Variants in DLG2 observed in about 807,000 individuals in gnomAD.
DLG2 encodes disks large homolog 2.
DLG2 carries 45 observed loss-of-function variants against 132.5 expected under a neutral mutation model. That is an observed-to-expected ratio of 0.34 (90% CI 0.27 to 0.44). The LOEUF (loss-of-function observed/expected upper bound fraction) is 0.44, where lower values mean the gene tolerates loss of function less well. Ranked by LOEUF, DLG2 falls within the 20% of genes least tolerant of loss-of-function variation. DLG2 has a pLI of 1.00. For missense variants in DLG2, 1,045 were observed against 1,196.9 expected, an observed-to-expected ratio of 0.87 and a Z score of 1.87; for synonymous variants, 424 against 419.6, an observed-to-expected ratio of 1.01 and a Z score of -0.13.
chr11:84,230,046 C>G (rs559540526), intron 8 of DLG2, among the ~76,000 whole-genome samples: 41 of 152,184 alleles, frequency 2.7e-4, no homozygotes, highest in Non-Finnish European at 4.3e-4. Flanking sequence ...TCACATAAAT[C>G]TCCACATGTG....
chr11:84,667,493 T>TTTTTG (rs1180881331), intron 6 of DLG2, among the ~76,000 whole-genome samples: 129 of 32,090 alleles, frequency 4.0e-3, no homozygotes, highest in African/African-American at 0.02. Flanking sequence ...TGTTTTTTGT[T>TTTTTG]TTTTGTTTTT....
intron 3 of DLG2, among the ~76,000 whole-genome samples, chr11:85,457,968 G>A (rs1194013400): frequency 6.6e-6 from 1 of 152,104 alleles, no homozygotes; most frequent in Non-Finnish European, 1.5e-5. Context: ...TCCTGAATTT[G>A]AATGTTGACA....
intron 6 of DLG2, among the ~76,000 whole-genome samples, chr11:84,988,595 A>G (rs2056758644): frequency 6.6e-6 from 1 of 152,158 alleles, no homozygotes; most frequent in Non-Finnish European, 1.5e-5. Context: ...ATTGGAGACT[A>G]TTTTTCTAAG....
chr11:84,118,864 G>C (rs1174267433), intron 9 of DLG2, among the ~76,000 whole-genome samples: 1 of 152,134 alleles, frequency 6.6e-6, no homozygotes, highest in African/African-American at 2.4e-5. Flanking sequence ...AAAAAATGTT[G>C]TTCTATCTTG....
intron 6 of DLG2, among the ~76,000 whole-genome samples, chr11:85,098,459 T>C (rs1012477478): frequency 6.6e-6 from 1 of 152,236 alleles, no homozygotes; most frequent in East Asian, 1.9e-4. Flanking sequence ...CCATTCCGTG[T>C]GTACTCTAGA....
intron 6 of DLG2, among the ~76,000 whole-genome samples, chr11:84,788,836 A>G (rs990466795): frequency 6.6e-6 from 1 of 152,164 alleles, no homozygotes; most frequent in Non-Finnish European, 1.5e-5. Context: ...TATCAAAGTT[A>G]GCAGATTTGA....
At chr11:84,819,645 T>C (rs1190956803) in intron 6 of DLG2, among the ~76,000 whole-genome samples, 1 of 151,822 alleles carries the variant, frequency 6.6e-6, no homozygotes, top group Admixed American at 6.6e-5. Context: ...ATCAACTAAA[T>C]TACCCATTGA....
intron 21 of DLG2, among the ~76,000 whole-genome samples, chr11:83,524,844 A>C (rs924036280): frequency 2.6e-5 from 4 of 152,296 alleles, no homozygotes; most frequent in Middle Eastern, 3.4e-3. Flanking sequence ...TGATTCTTCA[A>C]GGCTCATTTT....
chr11:85,394,920 G>A (rs1228900576), intron 3 of DLG2, among the ~76,000 whole-genome samples: 1 of 152,144 alleles, frequency 6.6e-6, no homozygotes, highest in Non-Finnish European at 1.5e-5. Flanking sequence ...TGCCTGTTCT[G>A]CAGGGCTCCA....
chr11:84,158,993 T>C (rs1429027066), intron 9 of DLG2, among the ~76,000 whole-genome samples: 1 of 152,210 alleles, frequency 6.6e-6, no homozygotes, highest in Non-Finnish European at 1.5e-5. Context: ...TTTTCAGATG[T>C]GGCAACTGAG....
At chr11:84,225,825 G>A (rs555709338) in intron 8 of DLG2, among the ~76,000 whole-genome samples, 1 of 150,498 alleles carries the variant, frequency 6.6e-6, no homozygotes, top group Non-Finnish European at 1.5e-5. Context: ...CCCCTGGGAT[G>A]GAGTCTTGCT....
intron 4 of DLG2, among the ~76,000 whole-genome samples, chr11:85,204,704 C>T (rs1346413943): frequency 6.6e-6 from 1 of 151,724 alleles, no homozygotes; most frequent in Non-Finnish European, 1.5e-5. Flanking sequence ...TTTGTATGGA[C>T]ACAAAGATCT....
At chr11:84,361,111 G>A (rs574555407) in intron 7 of DLG2, among the ~76,000 whole-genome samples, 60 of 151,998 alleles carry the variant, frequency 3.9e-4, no homozygotes, top group African/African-American at 1.4e-3. Flanking sequence ...TGAACAGAGT[G>A]CCAGTGATAT....
chr11:84,087,621 A>T (rs2097010754), intron 10 of DLG2, among the ~76,000 whole-genome samples: 1 of 152,190 alleles, frequency 6.6e-6, no homozygotes, highest in Admixed American at 6.5e-5. Context: ...TTCTTGGATT[A>T]TCCTGGGGTG....
At chr11:83,659,645 A>G (rs2073722497) in intron 18 of DLG2, among the ~76,000 whole-genome samples, 1 of 152,186 alleles carries the variant, frequency 6.6e-6, no homozygotes, top group Non-Finnish European at 1.5e-5. Context: ...GATTACTCTC[A>G]TGATATAGAC....
At chr11:85,610,522 T>TC (rs1262040080) in intron 2 of DLG2, among the ~76,000 whole-genome samples, 1 of 152,198 alleles carries the variant, frequency 6.6e-6, no homozygotes, top group African/African-American at 2.4e-5. Context: ...ACACAGACGA[T>TC]CTTGCCCCAC....
intron 3 of DLG2, among the ~76,000 whole-genome samples, chr11:85,466,636 T>G (rs887357663): frequency 2.0e-5 from 3 of 152,232 alleles, no homozygotes; most frequent in African/African-American, 7.2e-5. Context: ...GTGGCATTAT[T>G]TCTGAGGGCT....
intron 6 of DLG2, among the ~76,000 whole-genome samples, chr11:85,035,982 G>C (rs550664528): frequency 1.3e-5 from 2 of 152,196 alleles, no homozygotes; most frequent in South Asian, 4.2e-4. Context: ...AATAAAAAAG[G>C]TTTCAAAATA....
At chr11:84,776,799 T>C (rs1352917263) in intron 6 of DLG2, among the ~76,000 whole-genome samples, 1 of 152,196 alleles carries the variant, frequency 6.6e-6, no homozygotes, top group Non-Finnish European at 1.5e-5. Context: ...TATCCATTAA[T>C]TACCTGATGG....
Sources: gnomAD v4.1 joint callset for allele counts (sites outside exome capture counted in the v4.1 genomes callset) on GRCh38, gnomAD v4.1.1 for gene constraint, MANE v1.5 for transcripts, NCBI Gene and HGNC (gene_info 2026-07-23, HGNC 2026-07-21) for gene names.